CTNNA3: variants seen among roughly 807,000 people sequenced by gnomAD.
CTNNA3 encodes catenin alpha-3.
In CTNNA3, 76 loss-of-function variants were observed where a neutral mutation model predicts 95.7. That is an observed-to-expected ratio of 0.79 (90% CI 0.66 to 0.96). The LOEUF (loss-of-function observed/expected upper bound fraction) is 0.96, where lower values mean the gene tolerates loss of function less well. Ranked by LOEUF, CTNNA3 falls within the 40% of genes least tolerant of loss-of-function variation. CTNNA3 has a pLI of 0.00. For missense variants in CTNNA3, 1,191 were observed against 1,089.8 expected, an observed-to-expected ratio of 1.09 and a Z score of -1.31; for synonymous variants, 431 against 374.4, an observed-to-expected ratio of 1.15 and a Z score of -1.74.
intron 11 of CTNNA3, among the ~76,000 whole-genome samples, chr10:66,493,097 C>A (rs1589328657): frequency 6.6e-6 from 1 of 151,960 alleles, no homozygotes; most frequent in African/African-American, 2.4e-5. Flanking sequence ...TTACTAATTG[C>A]TAGATCAAAT....
intron 1 of CTNNA3, among the ~76,000 whole-genome samples, chr10:67,745,365 T>C (rs1307451329): frequency 6.6e-6 from 1 of 152,044 alleles, no homozygotes; most frequent in African/African-American, 2.4e-5. Context: ...TGTAGTGACA[T>C]GGTTGAAGCT....
intron 11 of CTNNA3, among the ~76,000 whole-genome samples, chr10:66,511,771 G>A (rs1369491977): frequency 6.6e-6 from 1 of 151,742 alleles, no homozygotes; most frequent in Non-Finnish European, 1.5e-5. Flanking sequence ...GAGTTGTTTT[G>A]GGCCTAACAT....
chr10:66,392,649 G>C (rs12415185), intron 11 of CTNNA3, among the ~76,000 whole-genome samples: 7 of 151,970 alleles, frequency 4.6e-5, no homozygotes, highest in Admixed American at 2.0e-4. Context: ...GGTCAACATT[G>C]TTTATCATCA....
intron 1 of CTNNA3, among the ~76,000 whole-genome samples, chr10:67,745,439 C>T (rs529002281): frequency 7.3e-6 from 1 of 137,198 alleles, no homozygotes; most frequent in South Asian, 2.3e-4. Flanking sequence ...TGTTCTCACT[C>T]ATAGTTGGGA....
intron 5 of CTNNA3, among the ~76,000 whole-genome samples, chr10:67,390,153 G>C (rs1373952764): frequency 6.6e-6 from 1 of 152,168 alleles, no homozygotes; most frequent in Non-Finnish European, 1.5e-5. Flanking sequence ...AAAATTGATA[G>C]ACCACTAGCA....
At chr10:67,181,580 T>C (rs765714693) in intron 6 of CTNNA3, among the ~76,000 whole-genome samples, 26 of 152,126 alleles carry the variant, frequency 1.7e-4, no homozygotes, top group Admixed American at 6.6e-5. Context: ...TATTATAAGA[T>C]CTTCCTAGTA....
intron 15 of CTNNA3, among the ~76,000 whole-genome samples, chr10:66,054,687 T>G (rs959817833): frequency 1.5e-4 from 23 of 152,176 alleles, no homozygotes; most frequent in African/African-American, 5.5e-4. Context: ...TTCACTTTGT[T>G]GATGATTTCC....
At position 66,361,448 on chromosome 10, in the gene CTNNA3, CTCTT is replaced by C. The variant is rs201705123; in HGVS notation, c.1732+17700_1732+17703del. ...TCCTTCTTTCTTTTCTTTTCTTTCTCTCTTTCTTTATCTTTCTCTTTCTTTCTTT... is the reference window on the plus strand; with the variant it reads ...TCCTTCTTTCTTTTCTTTTCTTTCTCTCTTTATCTTTCTCTTTCTTTCTTT... On this transcript the variant is annotated intron_variant, in intron 12 of 17. Transcript: ENST00000433211. 8.0e-3 allele frequency among the ~76,000 whole-genome samples: 1,172 copies of C among 145,738 alleles called. 12 individuals are homozygous for C. The highest frequency in any genetic ancestry group is 0.023 in the African/African-American group (905 of 39,344).
At chr10:67,127,593 C>T (rs1859776780) in intron 7 of CTNNA3, among the ~76,000 whole-genome samples, 1 of 152,084 alleles carries the variant, frequency 6.6e-6, no homozygotes, top group South Asian at 2.1e-4. Context: ...AACAATCAGA[C>T]TTCATATCAC....
chr10:66,079,928 A>G (rs1197362806), intron 14 of CTNNA3, among the ~76,000 whole-genome samples: 1 of 152,084 alleles, frequency 6.6e-6, no homozygotes, highest in Non-Finnish European at 1.5e-5. Flanking sequence ...CCTATTTACT[A>G]GGTTTTTAAA....
chr10:66,883,278 A>G (rs1420699348), intron 7 of CTNNA3, among the ~76,000 whole-genome samples: 1 of 152,104 alleles, frequency 6.6e-6, no homozygotes, highest in Non-Finnish European at 1.5e-5. Context: ...CATTTTCACT[A>G]AGATGTACTG....
intron 1 of CTNNA3, among the ~76,000 whole-genome samples, chr10:67,677,866 T>C (rs1840562209): frequency 6.6e-6 from 1 of 152,114 alleles, no homozygotes; most frequent in Non-Finnish European, 1.5e-5. Context: ...GTGAATCGAA[T>C]TGCTTCAGAT....
At chr10:67,265,185 T>C (rs985468664) in intron 5 of CTNNA3, among the ~76,000 whole-genome samples, 1 of 152,180 alleles carries the variant, frequency 6.6e-6, no homozygotes, top group Admixed American at 6.6e-5. Context: ...TTTCCATCTT[T>C]TAAAATAATC....
At chr10:66,852,440 A>G (rs976418422) in intron 7 of CTNNA3, among the ~76,000 whole-genome samples, 13 of 152,200 alleles carry the variant, frequency 8.5e-5, no homozygotes, top group African/African-American at 3.1e-4. Context: ...GTTCAGAAAT[A>G]TATTCAAGAA....
intron 9 of CTNNA3, among the ~76,000 whole-genome samples, chr10:66,720,459 C>T (rs34582510): frequency 0.023 from 3,551 of 152,254 alleles, 183 homozygotes; most frequent in East Asian, 0.22. Flanking sequence ...GACAAAACCG[C>T]CTTCTCCAGA....
At chr10:66,269,423 T>C (rs1413830715) in intron 13 of CTNNA3, among the ~76,000 whole-genome samples, 2 of 152,160 alleles carry the variant, frequency 1.3e-5, no homozygotes, top group Non-Finnish European at 2.9e-5. Flanking sequence ...AGAAGATATA[T>C]AAAAATCCCT....
intron 11 of CTNNA3, among the ~76,000 whole-genome samples, chr10:66,508,180 G>A (rs78055699): frequency 1.7e-3 from 198 of 114,672 alleles, no homozygotes; most frequent in African/African-American, 6.9e-3. Flanking sequence ...AGCAGCTCTT[G>A]TTTTTTTTTT....
intron 9 of CTNNA3, among the ~76,000 whole-genome samples, chr10:66,676,157 T>G (rs1031179244): frequency 7.3e-6 from 1 of 137,826 alleles, no homozygotes; most frequent in Non-Finnish European, 1.6e-5. Flanking sequence ...TCCTTCCAGG[T>G]TGTGAAATGG....
chr10:67,487,440 C>G (rs778612645), intron 5 of CTNNA3, among the ~76,000 whole-genome samples: 45 of 152,216 alleles, frequency 3.0e-4, no homozygotes, highest in Middle Eastern at 3.4e-3. Context: ...CTCTCAACTT[C>G]TGGCTGAGTC....
Sources: gnomAD v4.1 joint callset for allele counts (sites outside exome capture counted in the v4.1 genomes callset) on GRCh38, gnomAD v4.1.1 for gene constraint, MANE v1.5 for transcripts, NCBI Gene and HGNC (gene_info 2026-07-23, HGNC 2026-07-21) for gene names.